The following EYA4 variants were observed in gnomAD, a reference collection of about 807,000 sequenced individuals.
EYA4 encodes the protein protein phosphatase EYA4.
A neutral mutation model predicts 87.9 loss-of-function variants in EYA4; 31 were observed. That is an observed-to-expected ratio of 0.35 (90% CI 0.27 to 0.48). The LOEUF (loss-of-function observed/expected upper bound fraction) is 0.48. Among genes scored for constraint, EYA4 ranks in the 20% least tolerant of loss-of-function variants. The probability of loss-of-function intolerance (pLI) is 0.99; values close to 1 mark genes in which losing one functional copy is unlikely to be tolerated. For synonymous variants in EYA4, 263 were observed against 270.6 expected, an observed-to-expected ratio of 0.97 and a Z score of 0.28; for missense variants, 678 against 761.4, an observed-to-expected ratio of 0.89 and a Z score of 1.29.
intron 13 of EYA4, among the ~76,000 whole-genome samples, chr6:133,501,879 A>G (rs974350375): frequency 1.3e-5 from 2 of 152,242 alleles, no homozygotes; most frequent in African/African-American, 4.8e-5. Context: ...GTAGACAGAC[A>G]GTCTGGCTCC....
Position 133,299,925 on chromosome 6 carries a change from C to CTCTATCTA in EYA4, c.33+25138_33+25145dup, listed in dbSNP as rs10588311. 1.3e-3 allele frequency among the ~76,000 whole-genome samples: 189 copies of CTCTATCTA among 142,694 alleles called. 1 individual carries two copies. The highest frequency in any genetic ancestry group is 3.0e-3 in the African/African-American group (110 of 37,214). The allele number at this position is 142,694 out of a possible 152,430, so 93.6% of individuals were successfully genotyped here. On this transcript the variant is annotated intron_variant, in intron 2 of 19. Transcript: ENST00000355286. ...CATATACATATGTATATATAAAGAT[C>CTCTATCTA]TCTATCTATCTATCTATCTATCTAT... is the stretch of plus-strand genomic sequence containing the variant.
At chr6:133,346,899 A>G in intron 2 of EYA4, among the ~76,000 whole-genome samples, 1 of 151,682 alleles carries the variant, frequency 6.6e-6, no homozygotes, top group Admixed American at 6.6e-5. Flanking sequence ...AAATGGAAGC[A>G]TTGTTTTAAG....
intron 3 of EYA4, among the ~76,000 whole-genome samples, chr6:133,406,831 T>G (rs1003348573): frequency 6.6e-6 from 1 of 152,202 alleles, no homozygotes; most frequent in Non-Finnish European, 1.5e-5. Flanking sequence ...TGTCTCTTAT[T>G]ATTTCAGTCT....
At chr6:133,467,545 T>A (rs915924684) in intron 10 of EYA4, among the ~76,000 whole-genome samples, 1 of 152,124 alleles carries the variant, frequency 6.6e-6, no homozygotes, top group Non-Finnish European at 1.5e-5. Flanking sequence ...CAAGTTACAG[T>A]AGTGGGAAAC....
chr6:133,317,086 C>T (rs1780686431), intron 2 of EYA4, among the ~76,000 whole-genome samples: 1 of 152,216 alleles, frequency 6.6e-6, no homozygotes, highest in Non-Finnish European at 1.5e-5. Flanking sequence ...CAAGAGTCTA[C>T]ACCAGATGGT....
At chr6:133,241,912 CG>C (rs1026848608) in intron 1 of EYA4, among the ~76,000 whole-genome samples, 163 bp downstream of exon 1, 3 of 152,120 alleles carry the variant, frequency 2.0e-5, no homozygotes, top group Non-Finnish European at 2.9e-5. Context: ...CCTGCGTCCC[CG>C]GGGGGCGCTT....
intron 2 of EYA4, among the ~76,000 whole-genome samples, chr6:133,303,634 A>G (rs1174378500): frequency 4.6e-5 from 7 of 152,208 alleles, no homozygotes; most frequent in Admixed American, 4.6e-4. Context: ...TTAGAAACAC[A>G]AAATTTTGGG....
intron 14 of EYA4, among the ~76,000 whole-genome samples, chr6:133,506,972 C>A (rs1798688718): frequency 6.6e-6 from 1 of 152,062 alleles, no homozygotes; most frequent in Non-Finnish European, 1.5e-5. Context: ...CATAACTATG[C>A]TGAAATAGAG....
intron 13 of EYA4, among the ~76,000 whole-genome samples, chr6:133,492,576 A>C (rs532832645): frequency 6.6e-6 from 1 of 152,344 alleles, no homozygotes; most frequent in South Asian, 2.1e-4. Context: ...CACCACTGTT[A>C]TTCAGCATAG....
At chr6:133,254,241 T>C (rs1412246418) in intron 1 of EYA4, among the ~76,000 whole-genome samples, 6 of 152,214 alleles carry the variant, frequency 3.9e-5, no homozygotes, top group African/African-American at 1.2e-4. Flanking sequence ...CCTTGATCTC[T>C]TTGGTTGCCT....
intron 3 of EYA4, among the ~76,000 whole-genome samples, chr6:133,388,406 CAA>C (rs34444252): frequency 5.4e-5 from 7 of 129,276 alleles, no homozygotes; most frequent in Admixed American, 7.9e-5. Flanking sequence ...GACTCGGTCT[CAA>C]AAAAAAAAAA....
At chr6:133,458,621 C>T (rs1337802413) in intron 6 of EYA4, among the ~76,000 whole-genome samples, 1 of 152,056 alleles carries the variant, frequency 6.6e-6, no homozygotes, top group Non-Finnish European at 1.5e-5. Flanking sequence ...ATGCCAGCAG[C>T]ACTCCCCCAG....
chr6:133,360,386 A>G (rs1052830970), intron 2 of EYA4, among the ~76,000 whole-genome samples: 1 of 152,210 alleles, frequency 6.6e-6, no homozygotes, highest in African/African-American at 2.4e-5. Context: ...AACGAGTGCT[A>G]TAAATACATG....
intron 3 of EYA4, among the ~76,000 whole-genome samples, chr6:133,407,387 C>T (rs1348489319): frequency 6.6e-6 from 1 of 151,492 alleles, no homozygotes; most frequent in Non-Finnish European, 1.5e-5. Context: ...GAGGAGAAGG[C>T]GATGGACCCT....
intron 14 of EYA4, among the ~76,000 whole-genome samples, chr6:133,509,851 T>G (rs1798990257): frequency 6.6e-6 from 1 of 152,194 alleles, no homozygotes; most frequent in African/African-American, 2.4e-5. Flanking sequence ...GTATTTCACT[T>G]TTTGGTCAAA....
At chr6:133,504,978 T>A (rs889742475) in intron 13 of EYA4, among the ~76,000 whole-genome samples, 4 of 152,184 alleles carry the variant, frequency 2.6e-5, no homozygotes, top group African/African-American at 9.6e-5. Context: ...CCCTCTGAGG[T>A]CTTCCAAAAT....
At chr6:133,404,521 T>G (rs1788538692) in intron 3 of EYA4, among the ~76,000 whole-genome samples, 1 of 152,178 alleles carries the variant, frequency 6.6e-6, no homozygotes, top group Non-Finnish European at 1.5e-5. Flanking sequence ...TTTACTACAT[T>G]GGATCTACTA....
At chr6:133,378,679 A>G (rs1785912551) in intron 2 of EYA4, among the ~76,000 whole-genome samples, 1 of 152,076 alleles carries the variant, frequency 6.6e-6, no homozygotes, top group Non-Finnish European at 1.5e-5. Context: ...GCATGTGGAA[A>G]ACACTCAAAA....
chr6:133,312,753 T>C (rs376524004), intron 2 of EYA4, among the ~76,000 whole-genome samples: 1 of 152,218 alleles, frequency 6.6e-6, no homozygotes, highest in South Asian at 2.1e-4. Context: ...TCTAACTCTT[T>C]AATAGCTTCT....
Sources: allele counts gnomAD v4.1 joint callset (sites outside exome capture counted in the v4.1 genomes callset), GRCh38; gene constraint gnomAD v4.1.1; transcripts MANE v1.5; gene names NCBI Gene and HGNC (gene_info 2026-07-23, HGNC 2026-07-21).